The following SLC1A2 variants were observed in gnomAD, a reference collection of about 807,000 sequenced individuals.
SLC1A2 encodes the protein excitatory amino acid transporter 2.
SLC1A2 carries 15 observed loss-of-function variants against 48.8 expected under a neutral mutation model. That is an observed-to-expected ratio of 0.31 (90% CI 0.21 to 0.47). The LOEUF is 0.47. Among genes scored for constraint, SLC1A2 ranks in the 20% least tolerant of loss-of-function variants. The pLI is 0.99. For synonymous variants in SLC1A2, 279 were observed against 272.6 expected (o/e 1.02, Z -0.23); for missense variants, 502 against 730.5 (o/e 0.69, Z 3.61).
chr11:35,292,864 G>A (rs1851056125), intron 6 of SLC1A2, among the ~76,000 whole-genome samples: 1 of 152,078 alleles, frequency 6.6e-6, no homozygotes, highest in South Asian at 2.1e-4. Flanking sequence ...TGTTTGATTT[G>A]TGTTCCTCAG....
intron 1 of SLC1A2, among the ~76,000 whole-genome samples, chr11:35,324,999 A>T (rs1852193744): frequency 6.6e-6 from 1 of 152,228 alleles, no homozygotes; most frequent in African/African-American, 2.4e-5. Context: ...TGGCCAGCCT[A>T]GTCCCCAAAG....
chr11:35,273,102 T>C (rs2134647043), intron 9 of SLC1A2, among the ~76,000 whole-genome samples: 1 of 152,260 alleles, frequency 6.6e-6, no homozygotes, highest in East Asian at 1.9e-4. Flanking sequence ...TTTATTTCCA[T>C]ATAAAAAGGT....
At chr11:35,329,036 T>C (rs139569687) in intron 1 of SLC1A2, among the ~76,000 whole-genome samples, 1,966 of 152,296 alleles carry the variant, frequency 0.013, 18 homozygotes, top group Non-Finnish European at 0.019. Context: ...TAAACCATGG[T>C]ACATGCAGAC....
intron 3 of SLC1A2, among the ~76,000 whole-genome samples, chr11:35,313,121 C>T (rs17379710): frequency 0.43 from 64,838 of 151,954 alleles, 14,415 homozygotes; most frequent in South Asian, 0.67. Context: ...TTTTATGAAG[C>T]GATGCTGCTG....
chr11:35,380,754 T>C (rs1451634858), intron 1 of SLC1A2, among the ~76,000 whole-genome samples: 1 of 152,244 alleles, frequency 6.6e-6, no homozygotes, highest in Non-Finnish European at 1.5e-5. Context: ...TGTGGGTGTC[T>C]GCACGGGCAG....
intron 9 of SLC1A2, among the ~76,000 whole-genome samples, chr11:35,277,241 C>T (rs1163662728): frequency 6.6e-6 from 1 of 152,158 alleles, no homozygotes; most frequent in African/African-American, 2.4e-5. Flanking sequence ...CCAACCGTTC[C>T]AACTCTGGGC....
At chr11:35,305,558 C>G (rs1347259291) in intron 5 of SLC1A2, among the ~76,000 whole-genome samples, 2 of 152,058 alleles carry the variant, frequency 1.3e-5, no homozygotes, top group East Asian at 1.9e-4. Flanking sequence ...CACTGGGATC[C>G]CAGAAAGTAA....
At position 35,251,610 on chromosome 11, in the gene SLC1A2, C is replaced by A. The variant is rs186083815; in HGVS notation, c.*9284G>T. 568 of 152,480 alleles carry A rather than the reference C, an allele frequency of 3.7e-3. 6 individuals carry two copies. Among genetic ancestry groups the A allele is most frequent in the South Asian group, 6.4e-3 (31 of 4,826 alleles). 9.4% of individuals were successfully genotyped at this position (152,480 alleles called of 1,614,324 possible). ...TTTGTTCTGGACATACAAGAATTTT[C>A]AAAGAGAATCCTGCATAAAGCCCAG... is the stretch of plus-strand genomic sequence containing the variant. On this transcript the variant is annotated 3_prime_UTR_variant, in exon 11 of 11. Coordinates refer to ENST00000278379, the MANE Select transcript of SLC1A2 (RefSeq NM_004171.4).
At position 35,315,190 on chromosome 11, in the gene SLC1A2, A is replaced by G. The variant is rs189426732; in HGVS notation, c.158-15T>C. ...CAGGATGACACCTAAAAGGAAGGGGAAAACAATATGAATTTATTTTTTGCC... is the reference window on the plus strand; with the variant it reads ...CAGGATGACACCTAAAAGGAAGGGGGAAACAATATGAATTTATTTTTTGCC... On this transcript the variant is annotated splice_polypyrimidine_tract_variant and intron_variant, in intron 2 of 10. Coordinates refer to ENST00000278379, the MANE Select transcript of SLC1A2 (RefSeq NM_004171.4). 3,652 of 1,610,508 alleles carry G rather than the reference A, an allele frequency of 2.3e-3. 99 individuals are homozygous for G. In the Admixed American group the frequency reaches 0.05, roughly 22 times the overall value.
intron 10 of SLC1A2, chr11:35,261,716 A>G (rs1032403250): frequency 5.0e-6 from 2 of 398,428 alleles, no homozygotes; most frequent in African/African-American, 2.1e-5. Context: ...TAAACCCACG[A>G]CTGATATTCC....
Position 35,257,886 on chromosome 11 carries a change from A to C in SLC1A2, c.*3008T>G, listed in dbSNP as rs1950334938. ...GCCTGCTGTAACTGTATATAAATAT[A>C]ACATTTATGCATTATCAAATAGTAA... On this transcript the variant is annotated 3_prime_UTR_variant, in exon 11 of 11. Transcript: ENST00000278379. 1 of 152,256 alleles carries C rather than the reference A, an allele frequency of 6.6e-6. No homozygotes were observed. The highest frequency in any genetic ancestry group is 2.4e-5 in the African/African-American group (1 of 41,466). 9.4% of individuals were successfully genotyped at this position (152,256 alleles called of 1,614,324 possible). A position where few individuals can be genotyped will look rare whatever the true frequency, so the allele number is the denominator to read the frequency against.
chr11:35,350,427 A>G (rs1853208484), intron 1 of SLC1A2, among the ~76,000 whole-genome samples: 1 of 152,226 alleles, frequency 6.6e-6, no homozygotes, highest in Non-Finnish European at 1.5e-5. Context: ...TCCTTGCAAC[A>G]ACCCCAAAAG....
At chr11:35,372,003 C>G (rs559837769) in intron 1 of SLC1A2, among the ~76,000 whole-genome samples, 4 of 152,190 alleles carry the variant, frequency 2.6e-5, no homozygotes, top group African/African-American at 4.8e-5. Flanking sequence ...CATGAAGAAG[C>G]CTTGGGGTCT....
At chr11:35,380,456 A>C (rs1038845500) in intron 1 of SLC1A2, 4 of 398,558 alleles carry the variant, frequency 1.0e-5, no homozygotes, top group African/African-American at 8.2e-5. Context: ...CTTGTTAAAG[A>C]GTTTTATTTT....
chr11:35,344,490 A>G (rs189015059), intron 1 of SLC1A2, among the ~76,000 whole-genome samples: 1 of 152,328 alleles, frequency 6.6e-6, no homozygotes, highest in East Asian at 1.9e-4. Flanking sequence ...CTGTGAGTGC[A>G]TGCTTGATGG....
At chr11:35,332,484 C>A (rs901925233) in intron 1 of SLC1A2, among the ~76,000 whole-genome samples, 1 of 152,190 alleles carries the variant, frequency 6.6e-6, no homozygotes, top group Non-Finnish European at 1.5e-5. Flanking sequence ...TTATTTGAAT[C>A]CTCTATATAA....
intron 1 of SLC1A2, among the ~76,000 whole-genome samples, chr11:35,378,219 A>C (rs1378185448): frequency 6.6e-6 from 1 of 152,258 alleles, no homozygotes; most frequent in Non-Finnish European, 1.5e-5. Flanking sequence ...CAGAACCCCC[A>C]GATCCTAAAG....
intron 10 of SLC1A2, chr11:35,261,893 G>A (rs965371417): frequency 1.1e-4 from 42 of 395,584 alleles, no homozygotes; most frequent in Middle Eastern, 6.3e-4. Context: ...GCCCTTCAAC[G>A]AATCAAGCAA....
chr11:35,360,471 C>T (rs993350315), intron 1 of SLC1A2, among the ~76,000 whole-genome samples: 1 of 152,166 alleles, frequency 6.6e-6, no homozygotes, highest in African/African-American at 2.4e-5. Flanking sequence ...TCTAACACCA[C>T]CCTTCCAACC....
Sources: allele counts gnomAD v4.1 joint callset (sites outside exome capture counted in the v4.1 genomes callset), GRCh38; gene constraint gnomAD v4.1.1; transcripts MANE v1.5; gene names NCBI Gene and HGNC (gene_info 2026-07-23, HGNC 2026-07-21).